TRPM3: variants seen among roughly 807,000 people sequenced by gnomAD.
The protein encoded by TRPM3 is long transient receptor potential channel 3.
TRPM3 carries 77 observed loss-of-function variants against 181.2 expected under a neutral mutation model. The ratio of observed to expected loss-of-function variants is 0.42; its 90% CI spans 0.35 to 0.51. The LOEUF (loss-of-function observed/expected upper bound fraction) is 0.51. Among genes scored for constraint, TRPM3 ranks in the 20% least tolerant of loss-of-function variants. TRPM3 has a pLI of 0.01. For synonymous variants in TRPM3, 745 were observed against 796.4 expected (o/e 0.94, Z 1.09); for missense variants, 1,759 against 2,196.7 (o/e 0.80, Z 3.98).
At chr9:71,187,360 CAACA>C (rs2077737747) in intron 1 of TRPM3, among the ~76,000 whole-genome samples, 1 of 151,926 alleles carries the variant, frequency 6.6e-6, no homozygotes, top group African/African-American at 2.4e-5. Flanking sequence ...CTCACAGTTC[CAACA>C]AAAGTCTACC....
At chr9:70,597,678 G>A (rs1458288595) in intron 21 of TRPM3, among the ~76,000 whole-genome samples, 1 of 152,122 alleles carries the variant, frequency 6.6e-6, no homozygotes, top group East Asian at 1.9e-4. Flanking sequence ...CCATTTGTAG[G>A]GAAGCATATT....
intron 1 of TRPM3, among the ~76,000 whole-genome samples, chr9:70,890,416 T>C (rs942547381): frequency 3.3e-5 from 5 of 151,860 alleles, no homozygotes; most frequent in South Asian, 4.1e-4. Context: ...ATCAAAAAAA[T>C]TGATATAAGA....
intron 1 of TRPM3, among the ~76,000 whole-genome samples, chr9:71,138,373 C>T (rs1022838513): frequency 2.6e-5 from 4 of 152,130 alleles, no homozygotes; most frequent in Non-Finnish European, 4.4e-5. Context: ...TGATCCCGTG[C>T]ATACGCTATG....
At chr9:70,786,798 G>A (rs1327351507) in intron 6 of TRPM3, among the ~76,000 whole-genome samples, 2 of 152,114 alleles carry the variant, frequency 1.3e-5, no homozygotes, top group Non-Finnish European at 2.9e-5. Context: ...TATACCTGCT[G>A]TTTTATATCA....
intron 1 of TRPM3, among the ~76,000 whole-genome samples, chr9:71,202,208 AC>A (rs2078845361): frequency 6.6e-6 from 1 of 152,082 alleles, no homozygotes; most frequent in African/African-American, 2.4e-5. Context: ...TCAGAGGAGT[AC>A]CCGGCCATGT....
Position 70,598,551 on chromosome 9 carries a change from G to A in TRPM3, c.2916C>T (p.Leu972=), listed in dbSNP as rs1249352545. The part of the protein sequence containing the change: ...LLFSVGMILR[L]QDQPFRSDGR... ...CGTCACTCCTGAAGGGCTGGTCTTG[G>A]AGACGAAGGATCATTCCGACAGAAA... Residue 972 remains leucine (L), a synonymous_variant, in exon 21 of 26, where the codon CTC becomes CTT. Coordinates refer to ENST00000677713, the MANE Select transcript of TRPM3 (RefSeq NM_001366145.2). 6.2e-7 allele frequency: 1 copy of A among 1,614,224 alleles called. No individual in the cohort carries two copies. Among genetic ancestry groups the A allele is most frequent in the Non-Finnish European group, 8.5e-7 (1 of 1,180,046 alleles).
At chr9:70,681,736 C>CTGCAATTTA (rs1204749441) in intron 8 of TRPM3, among the ~76,000 whole-genome samples, 158 bp from the exon 9 acceptor site, 1 of 152,168 alleles carries the variant, frequency 6.6e-6, no homozygotes, top group Non-Finnish European at 1.5e-5. Flanking sequence ...TGAGAGAGCT[C>CTGCAATTTA]TGCAATTTAT....
intron 1 of TRPM3, among the ~76,000 whole-genome samples, chr9:71,017,945 A>T (rs2097798195): frequency 6.6e-6 from 1 of 151,868 alleles, no homozygotes; most frequent in Non-Finnish European, 1.5e-5. Flanking sequence ...AAACAAACCT[A>T]AATAAAATTT....
At chr9:70,680,914 A>G (rs2065259186) in intron 9 of TRPM3, among the ~76,000 whole-genome samples, 1 of 152,180 alleles carries the variant, frequency 6.6e-6, no homozygotes, top group South Asian at 2.1e-4. Context: ...TAGTATTGGG[A>G]CTAGAGAATA....
chr9:71,026,143 A>G (rs2097894999), intron 1 of TRPM3, among the ~76,000 whole-genome samples: 1 of 152,274 alleles, frequency 6.6e-6, no homozygotes, highest in South Asian at 2.1e-4. Context: ...TCTATAGTGG[A>G]GCATGGCCAG....
At chr9:71,084,989 T>A (rs2065028973) in intron 1 of TRPM3, among the ~76,000 whole-genome samples, 1 of 151,980 alleles carries the variant, frequency 6.6e-6, no homozygotes, top group South Asian at 2.1e-4. Flanking sequence ...CCTTTAGCCA[T>A]CTGATCATTG....
At chr9:71,361,556 C>T (rs1049360760) in intron 1 of TRPM3, among the ~76,000 whole-genome samples, 2 of 152,254 alleles carry the variant, frequency 1.3e-5, no homozygotes, top group African/African-American at 4.8e-5. Context: ...ATATGAAGGG[C>T]TCAGGTATGT....
At chr9:70,757,989 G>T (rs1011497501) in intron 8 of TRPM3, among the ~76,000 whole-genome samples, 3 of 152,142 alleles carry the variant, frequency 2.0e-5, no homozygotes, top group African/African-American at 7.2e-5. Context: ...GGTCAATTGG[G>T]CAAGAGAAAG....
intron 1 of TRPM3, among the ~76,000 whole-genome samples, chr9:71,222,568 T>C (rs1293883720): frequency 2.0e-5 from 3 of 152,186 alleles, no homozygotes; most frequent in Non-Finnish European, 2.9e-5. Context: ...ATTTAACATC[T>C]ACACAAAAAA....
At chr9:71,016,979 T>C (rs1590674762) in intron 1 of TRPM3, among the ~76,000 whole-genome samples, 1 of 152,144 alleles carries the variant, frequency 6.6e-6, no homozygotes, top group Admixed American at 6.5e-5. Context: ...ACATGACTTT[T>C]TGTGCTTGTA....
chr9:71,200,775 G>A (rs1033245073), intron 1 of TRPM3, among the ~76,000 whole-genome samples: 153 of 152,168 alleles, frequency 1.0e-3, no homozygotes, highest in Middle Eastern at 3.4e-3. Context: ...GTCTCTGCAC[G>A]TGAGATGGGT....
At chr9:70,696,437 C>G (rs371849118) in intron 8 of TRPM3, among the ~76,000 whole-genome samples, 55 of 152,308 alleles carry the variant, frequency 3.6e-4, no homozygotes, top group African/African-American at 1.1e-3. Flanking sequence ...CTGGGACACT[C>G]AGATCTTAAA....
intron 1 of TRPM3, among the ~76,000 whole-genome samples, chr9:71,429,284 C>T (rs2131598293): frequency 6.6e-6 from 1 of 152,284 alleles, no homozygotes; most frequent in Admixed American, 6.5e-5. Flanking sequence ...AATTGCCCTA[C>T]ATTTTTTTCT....
intron 1 of TRPM3, among the ~76,000 whole-genome samples, chr9:71,097,948 G>A (rs2067612312): frequency 6.6e-6 from 1 of 152,110 alleles, no homozygotes; most frequent in Non-Finnish European, 1.5e-5. Flanking sequence ...AGGGAAAGAT[G>A]TAGATAAGAA....
Sources: allele counts gnomAD v4.1 joint callset (sites outside exome capture counted in the v4.1 genomes callset), GRCh38; gene constraint gnomAD v4.1.1; transcripts MANE v1.5; gene names NCBI Gene and HGNC (gene_info 2026-07-23, HGNC 2026-07-21).